Variants in DOLPP1 observed in about 807,000 individuals in gnomAD.
DOLPP1 encodes the protein dolichyldiphosphatase 1.
In DOLPP1, 15 loss-of-function variants were observed where a neutral mutation model predicts 34.1. That is an observed-to-expected ratio of 0.44 (90% CI 0.29 to 0.68). The LOEUF (loss-of-function observed/expected upper bound fraction) is 0.68. Among genes scored for constraint, DOLPP1 ranks in the 30% least tolerant of loss-of-function variants. The pLI is 0.12. For synonymous variants in DOLPP1, 130 were observed against 128.2 expected, an observed-to-expected ratio of 1.01 and a Z score of -0.10; for missense variants, 249 against 307.1, an observed-to-expected ratio of 0.81 and a Z score of 1.41.
intron 7 of DOLPP1, among the ~76,000 whole-genome samples, chr9:129,087,128 A>G (rs144837478): frequency 3.9e-4 from 60 of 152,012 alleles, no homozygotes; most frequent in African/African-American, 1.2e-3. Context: ...GGACATCCCT[A>G]GGGATTAGTC....
At chr9:129,084,841 C>T in intron 2 of DOLPP1, 73 bp downstream of exon 2, 1 of 1,293,694 alleles carries the variant, frequency 7.7e-7, no homozygotes, top group Non-Finnish European at 1.1e-6. Flanking sequence ...AGCCCGTCCG[C>T]CCCTCAGTCC....
chr9:129,087,562 C>T (rs543169696), intron 7 of DOLPP1, among the ~76,000 whole-genome samples: 32 of 152,210 alleles, frequency 2.1e-4, no homozygotes, highest in South Asian at 6.2e-4. Flanking sequence ...GTGATCCACC[C>T]GCCTCGGCCT....
chr9:129,088,830 T>C, intron 7 of DOLPP1, 141 bp from the exon 8 acceptor site: 1 of 760,600 alleles, frequency 1.3e-6, no homozygotes, highest in Non-Finnish European at 2.2e-6. Context: ...GCAGGTGCTC[T>C]GATTGGCCCA....
At chr9:129,087,650 T>G (rs58546540) in intron 7 of DOLPP1, among the ~76,000 whole-genome samples, 16,495 of 149,580 alleles carry the variant, frequency 0.11, 2,459 homozygotes, top group African/African-American at 0.34. Flanking sequence ...AGAGGGGAGC[T>G]GAGGCTCCAC....
chr9:129,087,818 G>A (rs1049500312), intron 7 of DOLPP1, among the ~76,000 whole-genome samples: 20 of 152,012 alleles, frequency 1.3e-4, no homozygotes, highest in Non-Finnish European at 2.8e-4. Context: ...AAGGGGATTG[G>A]AGGGGGTTAG....
intron 7 of DOLPP1, among the ~76,000 whole-genome samples, chr9:129,087,643 G>C (rs1019545201): frequency 4.3e-4 from 65 of 152,108 alleles, no homozygotes; most frequent in African/African-American, 1.4e-3. Flanking sequence ...TGGGTTCAGA[G>C]GGGAGCTGAG....
At chr9:129,084,158 A>G (rs1846939870) in intron 1 of DOLPP1, among the ~76,000 whole-genome samples, 1 of 152,184 alleles carries the variant, frequency 6.6e-6, no homozygotes, top group Non-Finnish European at 1.5e-5. Flanking sequence ...ATTTCCCTGG[A>G]GGCCCAGGGC....
In DOLPP1 at chr9:129,087,318, C is replaced by CTT. The variant is rs71507949; in HGVS notation, c.680+534_680+535dup. ...GGGAAGGCTGGCTTTTCTTTTTTTT[C>CTT]TTTTTTTTTTTTTTTGAGACGGAGT... is the stretch of plus-strand genomic sequence containing the variant. On this transcript the variant is annotated intron_variant, in intron 7 of 7. Coordinates refer to ENST00000372546, the MANE Select transcript of DOLPP1 (RefSeq NM_020438.5). Among the ~76,000 whole-genome samples the CTT allele has an allele frequency of 2.7e-3, 369 of 135,630 alleles. 5 individuals carry two copies. Among genetic ancestry groups the CTT allele is most frequent in the East Asian group, 0.019 (90 of 4,642 alleles). 89.0% of individuals were successfully genotyped at this position (135,630 alleles called of 152,430 possible). A position where few individuals can be genotyped will look rare whatever the true frequency, so the allele number is the denominator to read the frequency against.
At chr9:129,086,662 A>C (rs752512475) in intron 6 of DOLPP1, 47 bp from the exon 7 acceptor site, 2 of 1,553,320 alleles carry the variant, frequency 1.3e-6, no homozygotes, top group South Asian at 2.2e-5. Flanking sequence ...ATGGTAACAG[A>C]CTCATGCCCT....
Position 129,084,658 on chromosome 9 carries a change from G to A in DOLPP1, c.77-10G>A. On this transcript the variant is annotated splice_polypyrimidine_tract_variant and intron_variant, in intron 1 of 7. Coordinates refer to ENST00000372546, the MANE Select transcript of DOLPP1 (RefSeq NM_020438.5). ...CCCTGTCCTCCTGATTCTGTTCTCT[G>A]TCTTGCCAGGTGATCTCTCTGGCCA... The A allele has an allele frequency of 6.3e-7, 1 of 1,580,944 alleles. No homozygotes were observed. Among genetic ancestry groups the A allele is most frequent in the Non-Finnish European group, 8.7e-7 (1 of 1,149,314 alleles).
At position 129,085,435 on chromosome 9, in the gene DOLPP1, A is replaced by T; in HGVS notation, c.363-83A>T. The stretch of plus-strand genomic sequence containing the variant: ...CAGCGGAGGCAGAAGGTACCCAGGG[A>T]GCATTTGGATGGGGCCAGGGACTGT... On this transcript the variant is annotated intron_variant, in intron 4 of 7. Transcript: ENST00000372546. This position sits in a 1 kb window ranked among gnomAD's most constrained non-coding sequence, Gnocchi z 7.0. 2.0e-6 allele frequency: 3 copies of T among 1,529,054 alleles called. No individual in the cohort carries two copies. Among genetic ancestry groups the T allele is most frequent in the Non-Finnish European group, 2.7e-6 (3 of 1,107,684 alleles). The allele number at this position is 1,529,054 out of a possible 1,614,324, so 94.7% of individuals were successfully genotyped here.
chr9:129,084,561 A>T, intron 1 of DOLPP1, 107 bp from the exon 2 acceptor site: 1 of 866,942 alleles, frequency 1.2e-6, no homozygotes, highest in Non-Finnish European at 2.0e-6. Context: ...TCCATTCTCC[A>T]GGCCCTGCCG....
Position 129,090,425 on chromosome 9 carries a change from C to T in DOLPP1, c.*1418C>T, listed in dbSNP as rs916600802. On this transcript the variant is annotated 3_prime_UTR_variant, in exon 8 of 8. Coordinates refer to ENST00000372546, the MANE Select transcript of DOLPP1 (RefSeq NM_020438.5). ...GTTTACTACTGTTTTAAAATAAAAC[C>T]GTAAACTCTGGCAGCTTGAGCACTT... The T allele has an allele frequency of 2.0e-5, 3 of 152,504 alleles. No individual in the cohort carries two copies. The highest frequency in any genetic ancestry group is 4.4e-5 in the Non-Finnish European group (3 of 68,024). The allele number at this position is 152,504 out of a possible 1,614,324, so 9.4% of individuals were successfully genotyped here. A position where few individuals can be genotyped will look rare whatever the true frequency, so the allele number is the denominator to read the frequency against.
chr9:129,081,678 G>A (rs1332748158), intron 1 of DOLPP1, among the ~76,000 whole-genome samples: 3 of 152,210 alleles, frequency 2.0e-5, no homozygotes, highest in Non-Finnish European at 2.9e-5. Flanking sequence ...CCGAAGCCAG[G>A]CTTTTGAGTA....
rs1847046544 is a variant in DOLPP1 at position 129,089,055 on chromosome 9, C to T, written c.*48C>T. ...GCCTCCAGATCTGGCCCGCACGATG[C>T]CTTGCAGGATGGACAGGATGACAGA... is the stretch of plus-strand genomic sequence containing the variant. On this transcript the variant is annotated 3_prime_UTR_variant, in exon 8 of 8. Transcript: ENST00000372546. The surrounding 1 kb of genome is among the most constrained non-coding windows in gnomAD (Gnocchi z 4.9). The T allele has an allele frequency of 6.3e-7, 1 of 1,598,198 alleles. No individual in the cohort carries two copies. The highest frequency in any genetic ancestry group is 1.1e-5 in the South Asian group (1 of 90,712).
At chr9:129,084,025 A>G (rs1846937169) in intron 1 of DOLPP1, among the ~76,000 whole-genome samples, 2 of 152,218 alleles carry the variant, frequency 1.3e-5, no homozygotes, top group South Asian at 2.1e-4. Flanking sequence ...GCTGGTAATC[A>G]ATAGGTAGGC....
At position 129,083,095 on chromosome 9, in the gene DOLPP1, C is replaced by T. The variant is rs550690961; in HGVS notation, c.77-1573C>T. ...GGGAACTCGAGTTTGGTCCTTGGAA[C>T]TGGAGCAGAGGTTGAGAGGGAAGCA... On this transcript the variant is annotated intron_variant, in intron 1 of 7. Transcript: ENST00000372546. 3.9e-5 allele frequency among the ~76,000 whole-genome samples: 6 copies of T among 152,264 alleles called. No homozygotes were observed. In the East Asian group the frequency reaches 1.2e-3, roughly 29 times the overall value.
chr9:129,088,295 GC>G (rs1358363654), intron 7 of DOLPP1, among the ~76,000 whole-genome samples: 3 of 152,140 alleles, frequency 2.0e-5, no homozygotes, highest in African/African-American at 4.8e-5. Flanking sequence ...CGGGGCTGGA[GC>G]CCAGGGAGCA....
chr9:129,087,913 C>T (rs2131418287), intron 7 of DOLPP1, among the ~76,000 whole-genome samples: 1 of 151,910 alleles, frequency 6.6e-6, no homozygotes, highest in Admixed American at 6.6e-5. Flanking sequence ...CCTGCCCTGC[C>T]CCGCCTGGCC....
Sources: allele counts gnomAD v4.1 joint callset (sites outside exome capture counted in the v4.1 genomes callset), GRCh38; gene constraint gnomAD v4.1.1; non-coding constraint Gnocchi (gnomAD v3.1); transcripts MANE v1.5; gene names NCBI Gene and HGNC (gene_info 2026-07-23, HGNC 2026-07-21).